CACHD1: variants seen among roughly 807,000 people sequenced by gnomAD.
CACHD1 encodes the protein VWFA and cache domain-containing protein 1.
A neutral mutation model predicts 138.7 loss-of-function variants in CACHD1; 71 were observed. The ratio of observed to expected loss-of-function variants is 0.51; its 90% CI spans 0.42 to 0.62. The LOEUF is 0.62. CACHD1 is among the 20% of genes least tolerant of loss of function. The probability of loss-of-function intolerance (pLI) is 0.00; values close to 1 mark genes in which losing one functional copy is unlikely to be tolerated. For synonymous variants in CACHD1, 578 were observed against 591.5 expected (o/e 0.98, Z 0.33); for missense variants, 1,389 against 1,625.3 (o/e 0.85, Z 2.50).
At chr1:64,477,796 G>T (rs1481315543) in intron 1 of CACHD1, among the ~76,000 whole-genome samples, 1 of 150,396 alleles carries the variant, frequency 6.6e-6, no homozygotes, top group Non-Finnish European at 1.5e-5. Context: ...CACCGCGCCC[G>T]GCTAATTTTT....
At chr1:64,573,643 T>C (rs1487083282) in intron 2 of CACHD1, among the ~76,000 whole-genome samples, 1 of 152,194 alleles carries the variant, frequency 6.6e-6, no homozygotes, top group African/African-American at 2.4e-5. Context: ...TGGCAAATAA[T>C]GGTATATTGT....
intron 4 of CACHD1, chr1:64,613,560 G>A (rs1352247735): frequency 1.3e-5 from 2 of 152,038 alleles, no homozygotes; most frequent in Non-Finnish European, 2.9e-5. Flanking sequence ...ATTGCTCCCT[G>A]GAAGGGTTTC....
At chr1:64,547,179 G>T (rs1348789983) in intron 1 of CACHD1, among the ~76,000 whole-genome samples, 1 of 152,158 alleles carries the variant, frequency 6.6e-6, no homozygotes, top group African/African-American at 2.4e-5. Context: ...CAGTTGTTAT[G>T]AAGATCAAAT....
intron 1 of CACHD1, among the ~76,000 whole-genome samples, chr1:64,550,117 G>A (rs755741193): frequency 5.3e-5 from 8 of 152,118 alleles, no homozygotes; most frequent in Non-Finnish European, 8.8e-5. Flanking sequence ...CTCTCCTGAC[G>A]GGGTACTTGA....
intron 17 of CACHD1, 151 bp from the exon 18 acceptor site, chr1:64,673,007 A>C: frequency 1.4e-6 from 1 of 734,014 alleles, no homozygotes; most frequent in Non-Finnish European, 2.4e-6. Flanking sequence ...CCTGCCTGCC[A>C]GCTTCCCTTC....
chr1:64,607,508 T>C (rs1034070613), intron 4 of CACHD1, among the ~76,000 whole-genome samples: 2 of 152,252 alleles, frequency 1.3e-5, no homozygotes, highest in Admixed American at 6.5e-5. Flanking sequence ...TCCTGAGATT[T>C]GCTCAAAGGA....
chr1:64,602,640 C>G (rs1424806033), intron 3 of CACHD1, among the ~76,000 whole-genome samples, 166 bp from the exon 4 acceptor site: 1 of 152,044 alleles, frequency 6.6e-6, no homozygotes, highest in East Asian at 1.9e-4. Context: ...AGGTGTTCCC[C>G]CCACCACACA....
chr1:64,505,491 T>C (rs1045887486), intron 1 of CACHD1, among the ~76,000 whole-genome samples: 2 of 151,872 alleles, frequency 1.3e-5, no homozygotes, highest in East Asian at 1.9e-4. Context: ...GGAGCCTGAT[T>C]AGGTGCATAA....
At chr1:64,473,378 C>G (rs1646157049) in intron 1 of CACHD1, among the ~76,000 whole-genome samples, 1 of 151,864 alleles carries the variant, frequency 6.6e-6, no homozygotes, top group Non-Finnish European at 1.5e-5. Context: ...AGATTTTGAG[C>G]CCCACATTCT....
At chr1:64,509,546 A>C (rs1466721721) in intron 1 of CACHD1, among the ~76,000 whole-genome samples, 1 of 152,212 alleles carries the variant, frequency 6.6e-6, no homozygotes. Context: ...CTCAGGGTAA[A>C]ACACTCAAGT....
intron 2 of CACHD1, among the ~76,000 whole-genome samples, chr1:64,562,051 A>G (rs1005010042): frequency 2.0e-5 from 3 of 152,040 alleles, no homozygotes; most frequent in Non-Finnish European, 4.4e-5. Context: ...TTGTTTATTC[A>G]TTTAATTATT....
chr1:64,646,906 G>A (rs888724954), intron 8 of CACHD1, among the ~76,000 whole-genome samples: 2 of 152,098 alleles, frequency 1.3e-5, no homozygotes, highest in African/African-American at 2.4e-5. Context: ...ATAGTTCATG[G>A]TTTGGTATTG....
intron 10 of CACHD1, 47 bp from the exon 11 acceptor site, chr1:64,653,710 TC>T: frequency 1.3e-6 from 2 of 1,595,008 alleles, no homozygotes. Context: ...ATTCAGAACT[TC>T]CTACAACATG....
At chr1:64,527,562 G>C (rs148273583) in intron 1 of CACHD1, among the ~76,000 whole-genome samples, 201 of 152,256 alleles carry the variant, frequency 1.3e-3, no homozygotes, top group Non-Finnish European at 2.3e-3. Context: ...ATTTTGACCT[G>C]AGGCAGGCTG....
rs151005730 is a variant in CACHD1 at position 64,587,123 on chromosome 1, A to G, written c.410+4819A>G. ...TTTTTTTTAAACTCAGCACTGACCCAGTGGTATGATGGCTGTTTGTTACTA... is the reference window on the plus strand; with the variant it reads ...TTTTTTTTAAACTCAGCACTGACCCGGTGGTATGATGGCTGTTTGTTACTA... On this transcript the variant is annotated intron_variant, in intron 3 of 26. Transcript: ENST00000651257. Among the ~76,000 whole-genome samples the G allele has an allele frequency of 3.2e-4, 49 of 152,314 alleles. No individual in the cohort carries two copies. In the East Asian group the frequency reaches 9.2e-3, roughly 29 times the overall value.
chr1:64,685,051 C>T (rs538699982), intron 26 of CACHD1, among the ~76,000 whole-genome samples: 116 of 152,224 alleles, frequency 7.6e-4, no homozygotes, highest in Middle Eastern at 6.8e-3. Flanking sequence ...TCAGGTGATC[C>T]GCCCACCCCA....
In CACHD1 at chr1:64,664,500, C is replaced by A. The variant is rs1649562575; in HGVS notation, c.2097C>A (p.Phe699Leu). The A allele has an allele frequency of 1.9e-6, 3 of 1,613,990 alleles. No individual in the cohort carries two copies. Among genetic ancestry groups the A allele is most frequent in the Middle Eastern group, 1.6e-4 (1 of 6,062 alleles). Residue 699 changes from phenylalanine (F) to leucine (L), a missense_variant and splice_region_variant, in exon 15 of 27, where the codon TTC (phenylalanine) becomes TTA (leucine). Phe to Leu is a conservative substitution (Grantham distance 22). Coordinates refer to ENST00000651257, the MANE Select transcript of CACHD1 (RefSeq NM_020925.4). ...TRLIANPGLK[F>L]SVRNEVMATS... ...CTATGTCTTCCTTTGTTTCCCAGTT[C>A]TCTGTCAGAAATGAAGTAATGGCTA...
intron 1 of CACHD1, among the ~76,000 whole-genome samples, chr1:64,546,179 G>C (rs930708726): frequency 1.3e-5 from 2 of 152,074 alleles, no homozygotes; most frequent in Non-Finnish European, 2.9e-5. Context: ...TTAGCCCTCC[G>C]GGGAGTTGGG....
intron 7 of CACHD1, among the ~76,000 whole-genome samples, chr1:64,634,613 G>C (rs1648443663): frequency 6.6e-6 from 1 of 151,984 alleles, no homozygotes; most frequent in African/African-American, 2.4e-5. Flanking sequence ...TCAAACTCTT[G>C]AACTCAAGCA....
Sources: allele counts gnomAD v4.1 joint callset (sites outside exome capture counted in the v4.1 genomes callset), GRCh38; gene constraint gnomAD v4.1.1; transcripts MANE v1.5; gene names NCBI Gene and HGNC (gene_info 2026-07-23, HGNC 2026-07-21).